BMPR2: variants seen among roughly 807,000 people sequenced by gnomAD.
The protein encoded by BMPR2 is bone morphogenetic protein receptor type-2.
In BMPR2, 29 loss-of-function variants were observed where a neutral mutation model predicts 100.8. That is an observed-to-expected ratio of 0.29 (90% CI 0.21 to 0.39). BMPR2 has a LOEUF of 0.39. Among genes scored for constraint, BMPR2 ranks in the 10% least tolerant of loss-of-function variants. BMPR2 has a pLI of 1.00. For synonymous variants in BMPR2, 382 were observed against 442.3 expected, an observed-to-expected ratio of 0.86 and a Z score of 1.71; for missense variants, 1,011 against 1,274.5, an observed-to-expected ratio of 0.79 and a Z score of 3.15.
Position 202,560,962 on chromosome 2 carries a change from A to G in BMPR2, c.*1016A>G, listed in dbSNP as rs1389917820. 6.6e-6 allele frequency: 1 copy of G among 152,204 alleles called. No homozygotes were observed. Among genetic ancestry groups the G allele is most frequent in the Non-Finnish European group, 1.5e-5 (1 of 68,016 alleles). The allele number at this position is 152,204 out of a possible 1,614,324, so 9.4% of individuals were successfully genotyped here. The stretch of plus-strand genomic sequence containing the variant: ...TTAAGTAGGTAAATAAATGGTTAAG[A>G]CAAAATAGTGTTATAGCCTTCATTC... On this transcript the variant is annotated 3_prime_UTR_variant, in exon 13 of 13. Coordinates refer to ENST00000374580, the MANE Select transcript of BMPR2 (RefSeq NM_001204.7).
intron 7 of BMPR2, among the ~76,000 whole-genome samples, chr2:202,524,294 G>A (rs955551707): frequency 2.6e-5 from 4 of 151,444 alleles, no homozygotes; most frequent in Non-Finnish European, 5.9e-5. Context: ...CCCGGTACGC[G>A]GGGCTTGCAG....
intron 10 of BMPR2, among the ~76,000 whole-genome samples, chr2:202,548,700 C>T (rs1039340740): frequency 4.6e-5 from 7 of 151,846 alleles, no homozygotes; most frequent in African/African-American, 1.7e-4. Context: ...TTTTTTTTCC[C>T]CCTACTTGTC....
intron 1 of BMPR2, among the ~76,000 whole-genome samples, chr2:202,398,685 G>A (rs1321047248): frequency 6.6e-6 from 1 of 152,162 alleles, no homozygotes; most frequent in Non-Finnish European, 1.5e-5. Context: ...AGGAGATATT[G>A]AGCAAAATAA....
intron 7 of BMPR2, among the ~76,000 whole-genome samples, chr2:202,527,619 A>G (rs1441913412): frequency 1.3e-5 from 2 of 149,140 alleles, no homozygotes; most frequent in South Asian, 2.1e-4. Context: ...CCCCGTCTCT[A>G]CTAAAAATAC....
Position 202,565,470 on chromosome 2 carries a change from A to G in BMPR2, c.*5524A>G, listed in dbSNP as rs1042559345. ...TGAAAGTGGATTCAACCATCAGACC[A>G]CCAGCAAATCGGCACTTAATTTTTG... On this transcript the variant is annotated 3_prime_UTR_variant, in exon 13 of 13. Coordinates refer to ENST00000374580, the MANE Select transcript of BMPR2 (RefSeq NM_001204.7). 3 of 152,620 alleles carry G rather than the reference A, an allele frequency of 2.0e-5. No individual in the cohort carries two copies. The highest frequency in any genetic ancestry group is 7.2e-5 in the African/African-American group (3 of 41,466). The allele number at this position is 152,620 out of a possible 1,614,324, so 9.5% of individuals were successfully genotyped here.
intron 5 of BMPR2, among the ~76,000 whole-genome samples, chr2:202,516,223 A>G (rs575848094): frequency 6.6e-6 from 1 of 152,336 alleles, no homozygotes; most frequent in East Asian, 1.9e-4. Context: ...AGATTTGACT[A>G]TATAAAAAAT....
In BMPR2 at chr2:202,565,048, C is replaced by CA. The variant is rs886055487; in HGVS notation, c.*5111dup. The CA allele has an allele frequency of 1.5e-3, 226 of 147,578 alleles. No homozygotes were observed. Among genetic ancestry groups the CA allele is most frequent in the East Asian group, 6.1e-3 (31 of 5,080 alleles). 9.1% of individuals were successfully genotyped at this position (147,578 alleles called of 1,614,324 possible). On this transcript the variant is annotated 3_prime_UTR_variant, in exon 13 of 13. Coordinates refer to ENST00000374580, the MANE Select transcript of BMPR2 (RefSeq NM_001204.7). ...TGGGCTACAGAGTGAGACTCCATCT[C>CA]AAAAAAAAACAAAAAAAATCACCTC...
intron 10 of BMPR2, 114 bp downstream of exon 10, chr2:202,542,561 C>T: frequency 7.9e-7 from 1 of 1,260,366 alleles, no homozygotes; most frequent in African/African-American, 1.5e-5. Flanking sequence ...TTGCCTAATG[C>T]CACAAATCAA....
At chr2:202,405,225 A>G (rs1160174660) in intron 1 of BMPR2, among the ~76,000 whole-genome samples, 1 of 152,162 alleles carries the variant, frequency 6.6e-6, no homozygotes, top group Non-Finnish European at 1.5e-5. Context: ...CCTGAAAAAA[A>G]AGTCAGATAC....
At chr2:202,534,932 C>T (rs1301081800) in intron 9 of BMPR2, among the ~76,000 whole-genome samples, 2 of 122,724 alleles carry the variant, frequency 1.6e-5, no homozygotes, top group South Asian at 2.7e-4. Context: ...CCGGACGGGG[C>T]GGCTGGCCGG....
At chr2:202,457,318 A>C (rs1692130864) in intron 1 of BMPR2, among the ~76,000 whole-genome samples, 1 of 151,596 alleles carries the variant, frequency 6.6e-6, no homozygotes, top group Admixed American at 6.6e-5. Flanking sequence ...TCATTGCTTC[A>C]GATGATTAAG....
intron 3 of BMPR2, among the ~76,000 whole-genome samples, chr2:202,502,675 C>G (rs1255690793): frequency 6.6e-6 from 1 of 152,098 alleles, no homozygotes; most frequent in Non-Finnish European, 1.5e-5. Flanking sequence ...CAGTGACTCT[C>G]CAAAACCGCC....
At chr2:202,394,723 C>CT (rs1690624791) in intron 1 of BMPR2, among the ~76,000 whole-genome samples, 1 of 151,862 alleles carries the variant, frequency 6.6e-6, no homozygotes, top group South Asian at 2.1e-4. Context: ...TAACCTGATT[C>CT]TTATATCAGC....
intron 1 of BMPR2, among the ~76,000 whole-genome samples, chr2:202,393,271 T>C (rs532919542): frequency 6.6e-6 from 1 of 152,186 alleles, no homozygotes; most frequent in Admixed American, 6.5e-5. Context: ...ACAGACAGAG[T>C]TTGGGGAGTC....
chr2:202,421,762 T>C (rs1691267660), intron 1 of BMPR2, among the ~76,000 whole-genome samples: 1 of 149,220 alleles, frequency 6.7e-6, no homozygotes. Flanking sequence ...TCACTTCCAC[T>C]AGAAGATTCA....
rs554529515 is a variant in BMPR2 at position 202,535,596 on chromosome 2, C to A, written c.1276+2864C>A. Among the ~76,000 whole-genome samples, 3 of 150,920 alleles carry A rather than the reference C, an allele frequency of 2.0e-5. No homozygotes were observed. In the East Asian group the frequency reaches 5.9e-4, roughly 30 times the overall value. On this transcript the variant is annotated intron_variant, in intron 9 of 12. Transcript: ENST00000374580. Reference sequence around the variant, plus strand: ...GCCGGGCGGAGACGCTCCCCACTTTCCAGACTGGGCAGCCGGGCAGAGGGG... The same window carrying A: ...GCCGGGCGGAGACGCTCCCCACTTTACAGACTGGGCAGCCGGGCAGAGGGG...
intron 1 of BMPR2, among the ~76,000 whole-genome samples, chr2:202,389,351 C>T (rs1019977289): frequency 6.6e-6 from 1 of 151,282 alleles, no homozygotes; most frequent in African/African-American, 2.4e-5. Flanking sequence ...CATGGTGAAA[C>T]CCCGTCTCTA....
At position 202,376,452 on chromosome 2, in the gene BMPR2, C is replaced by T. The variant is rs1690142230; in HGVS notation, c.-1023C>T. Among the ~76,000 whole-genome samples the T allele has an allele frequency of 6.8e-6, 1 of 146,672 alleles. No individual in the cohort carries two copies. Among genetic ancestry groups the T allele is most frequent in the East Asian group, 2.1e-4 (1 of 4,774 alleles). On this transcript the variant is annotated 5_prime_UTR_variant, in exon 1 of 13. Transcript: ENST00000374580. ...TACCTTCATCCGCCCTCCCGCCGCCCCCCGCCCTCGGTCCGCGACGCCCGA... is the reference window on the plus strand; with the variant it reads ...TACCTTCATCCGCCCTCCCGCCGCCTCCCGCCCTCGGTCCGCGACGCCCGA...
intron 3 of BMPR2, among the ~76,000 whole-genome samples, chr2:202,476,775 C>T (rs973324112): frequency 2.6e-5 from 4 of 151,464 alleles, no homozygotes; most frequent in East Asian, 1.9e-4. Context: ...GGATGCAGAG[C>T]GAGACTCAAA....
Sources: allele counts gnomAD v4.1 joint callset (sites outside exome capture counted in the v4.1 genomes callset), GRCh38; gene constraint gnomAD v4.1.1; transcripts MANE v1.5; gene names NCBI Gene and HGNC (gene_info 2026-07-23, HGNC 2026-07-21).